Variants in ATRNL1 observed in about 807,000 individuals in gnomAD.
ATRNL1 encodes attractin-like protein 1.
In ATRNL1, 95 loss-of-function variants were observed where a neutral mutation model predicts 182.7. That is an observed-to-expected ratio of 0.52 (90% CI 0.44 to 0.62). The LOEUF (loss-of-function observed/expected upper bound fraction) is 0.62, where lower values mean the gene tolerates loss of function less well. ATRNL1 is among the 20% of genes least tolerant of loss of function. ATRNL1 has a pLI of 0.00. For missense variants in ATRNL1, 1,471 were observed against 1,679.5 expected, an observed-to-expected ratio of 0.88 and a Z score of 2.17; for synonymous variants, 576 against 568.3, an observed-to-expected ratio of 1.01 and a Z score of -0.19.
At chr10:115,229,476 C>G (rs547950135) in intron 9 of ATRNL1, among the ~76,000 whole-genome samples, 2 of 152,102 alleles carry the variant, frequency 1.3e-5, no homozygotes, top group South Asian at 4.1e-4. Context: ...ATTTTGTTGG[C>G]TCTTTATCAA....
intron 26 of ATRNL1, among the ~76,000 whole-genome samples, chr10:115,559,103 A>C (rs556236038): frequency 6.6e-6 from 1 of 152,304 alleles, no homozygotes; most frequent in Non-Finnish European, 1.5e-5. Flanking sequence ...TAATATGAGA[A>C]TATAAAAAAG....
At chr10:115,930,316 A>C (rs1555121278) in intron 28 of ATRNL1, among the ~76,000 whole-genome samples, 1 of 152,142 alleles carries the variant, frequency 6.6e-6, no homozygotes, top group African/African-American at 2.4e-5. Flanking sequence ...CTGAATACAG[A>C]CCATGCTCAG....
intron 21 of ATRNL1, among the ~76,000 whole-genome samples, chr10:115,446,741 G>A (rs536283501): frequency 9.2e-5 from 14 of 152,102 alleles, no homozygotes; most frequent in South Asian, 2.1e-4. Flanking sequence ...GAAGCTCTAC[G>A]AAGCTCATAC....
chr10:115,542,175 T>G (rs1852397302), intron 25 of ATRNL1, among the ~76,000 whole-genome samples: 1 of 152,110 alleles, frequency 6.6e-6, no homozygotes, highest in Non-Finnish European at 1.5e-5. Flanking sequence ...TGCCATCAGA[T>G]GAGGCTTGAG....
intron 27 of ATRNL1, among the ~76,000 whole-genome samples, chr10:115,753,718 A>G (rs1446946462): frequency 2.0e-5 from 3 of 152,106 alleles, no homozygotes; most frequent in African/African-American, 7.2e-5. Flanking sequence ...GTCAAATGGT[A>G]TTTCTGGTTC....
rs1391895391 is a variant in ATRNL1, at chr10:115,871,473, G to GTATATATATATA, written c.4018+23483_4018+23484insATATATATATAT. 4.3e-3 allele frequency among the ~76,000 whole-genome samples: 65 copies of GTATATATATATA among 14,996 alleles called. 1 individual carries two copies. The highest frequency in any genetic ancestry group is 9.0e-3 in the African/African-American group (62 of 6,854). 9.8% of individuals were successfully genotyped at this position (14,996 alleles called of 152,430 possible). A position where few individuals can be genotyped will look rare whatever the true frequency, so the allele number is the denominator to read the frequency against. ...AGAAAGGCCTGGTCAGATTCTTTGT[G>GTATATATATATA]TGTGTGTATATATATATATATATAT... On this transcript the variant is annotated intron_variant, in intron 28 of 28. Coordinates refer to ENST00000355044, the MANE Select transcript of ATRNL1 (RefSeq NM_207303.4).
chr10:115,210,411 A>T (rs555642465), intron 8 of ATRNL1, among the ~76,000 whole-genome samples: 1 of 152,044 alleles, frequency 6.6e-6, no homozygotes, highest in East Asian at 1.9e-4. Context: ...ATCTCCCACC[A>T]CAGTTAAGAT....
At chr10:115,181,373 A>G (rs1847739980) in intron 8 of ATRNL1, among the ~76,000 whole-genome samples, 1 of 151,792 alleles carries the variant, frequency 6.6e-6, no homozygotes, top group Admixed American at 6.6e-5. Flanking sequence ...ATTGGACCCA[A>G]TTTTAATTTT....
At chr10:115,190,112 A>G (rs1848111655) in intron 8 of ATRNL1, among the ~76,000 whole-genome samples, 1 of 152,098 alleles carries the variant, frequency 6.6e-6, no homozygotes, top group Non-Finnish European at 1.5e-5. Context: ...TTGTAGAAGT[A>G]TACTCTATGA....
chr10:115,388,774 A>G (rs561774943), intron 19 of ATRNL1, among the ~76,000 whole-genome samples: 214 of 151,878 alleles, frequency 1.4e-3, no homozygotes, highest in African/African-American at 5.0e-3. Flanking sequence ...ATTTTGTTCC[A>G]TTACTCACCT....
intron 27 of ATRNL1, among the ~76,000 whole-genome samples, chr10:115,789,831 G>A (rs1009713316): frequency 6.6e-6 from 1 of 152,090 alleles, no homozygotes; most frequent in Non-Finnish European, 1.5e-5. Flanking sequence ...TGCTATTAGA[G>A]TTGAGCAGTT....
At chr10:115,255,253 C>A (rs1851069326) in intron 10 of ATRNL1, among the ~76,000 whole-genome samples, 1 of 152,168 alleles carries the variant, frequency 6.6e-6, no homozygotes, top group South Asian at 2.1e-4. Context: ...GATACTGATT[C>A]TTCCTATCCA....
At chr10:115,590,071 A>G (rs1855811399) in intron 26 of ATRNL1, among the ~76,000 whole-genome samples, 2 of 152,356 alleles carry the variant, frequency 1.3e-5, no homozygotes, top group Middle Eastern at 3.4e-3. Flanking sequence ...GTGTTAGTTA[A>G]ATTAAAAGCA....
chr10:115,825,639 T>C (rs1555091757), intron 27 of ATRNL1, among the ~76,000 whole-genome samples: 1 of 152,102 alleles, frequency 6.6e-6, no homozygotes, highest in Non-Finnish European at 1.5e-5. Flanking sequence ...TCCATTTGTA[T>C]CTCTCAACTT....
intron 19 of ATRNL1, among the ~76,000 whole-genome samples, chr10:115,391,809 A>T (rs1016875273): frequency 7.3e-5 from 11 of 151,556 alleles, no homozygotes; most frequent in Admixed American, 5.9e-4. Flanking sequence ...TTTAATCCAG[A>T]TATATGGGGG....
In ATRNL1 at chr10:115,854,132, T is replaced by C. The variant is rs1589607286; in HGVS notation, c.4018+6141T>C. On this transcript the variant is annotated intron_variant, in intron 28 of 28. Coordinates refer to ENST00000355044, the MANE Select transcript of ATRNL1 (RefSeq NM_207303.4). ...ATAATCATGCAAATAAACTCATACTTACAAGTTGTGTTAAAGTGCTATGAA... is the reference window on the plus strand; with the variant it reads ...ATAATCATGCAAATAAACTCATACTCACAAGTTGTGTTAAAGTGCTATGAA... 2.0e-5 allele frequency among the ~76,000 whole-genome samples: 3 copies of C among 152,184 alleles called. No homozygotes were observed. The East Asian group carries it at 5.8e-4, about 29-fold the overall frequency.
chr10:115,353,251 G>A (rs1554941939), intron 19 of ATRNL1, among the ~76,000 whole-genome samples: 1 of 152,170 alleles, frequency 6.6e-6, no homozygotes, highest in African/African-American at 2.4e-5. Context: ...ATGCTCCAGT[G>A]TTTTGTGCAA....
chr10:115,220,682 A>G (rs1290586135), intron 9 of ATRNL1, among the ~76,000 whole-genome samples: 1 of 119,938 alleles, frequency 8.3e-6, no homozygotes, highest in Admixed American at 1.2e-4. Flanking sequence ...ACAAGTGTGC[A>G]GTGTGGGAAA....
intron 26 of ATRNL1, among the ~76,000 whole-genome samples, chr10:115,659,668 A>G (rs1860552247): frequency 6.6e-6 from 1 of 152,170 alleles, no homozygotes; most frequent in Admixed American, 6.6e-5. Flanking sequence ...CTATAGTGCT[A>G]TGGAACTTCA....
Sources: allele counts gnomAD v4.1 joint callset (sites outside exome capture counted in the v4.1 genomes callset), GRCh38; gene constraint gnomAD v4.1.1; transcripts MANE v1.5; gene names NCBI Gene and HGNC (gene_info 2026-07-23, HGNC 2026-07-21).